CDK15: variants seen among roughly 807,000 people sequenced by gnomAD.
CDK15 encodes cyclin-dependent kinase 15.
CDK15 carries 62 observed loss-of-function variants against 60.3 expected under a neutral mutation model. The observed-to-expected ratio is 1.03, with a 90% CI of 0.84 to 1.27. CDK15 has a LOEUF of 1.27. CDK15 is among the 50% of genes most tolerant of loss of function. The pLI is 0.00. For missense variants in CDK15, 541 were observed against 527.8 expected (o/e 1.03, Z -0.25); for synonymous variants, 194 against 195.7 (o/e 0.99, Z 0.07).
In CDK15 at chr2:201,817,946, G is replaced by A. The variant is rs542469193; in HGVS notation, c.449-4863G>A. On this transcript the variant is annotated intron_variant, in intron 4 of 13. Coordinates refer to ENST00000652192, the MANE Select transcript of CDK15 (RefSeq NM_001366386.2). Reference sequence around the variant, plus strand: ...AATTATTTCAATTATTTCTTTTCTCGGAATGCATAACTTGACTCATTGACT... The same window carrying A: ...AATTATTTCAATTATTTCTTTTCTCAGAATGCATAACTTGACTCATTGACT... 3.2e-4 allele frequency among the ~76,000 whole-genome samples: 49 copies of A among 151,996 alleles called. No individual in the cohort carries two copies. In the South Asian group the frequency reaches 5.4e-3, roughly 17 times the overall value.
chr2:201,890,783 A>G lies in CDK15; in HGVS notation c.1199-2A>G. ...GGTGCTTCTCTCTTTTCATTCCTAC[A>G]GAGGAGTCTTTGTTTACAGTTTCAG... On this transcript the variant is annotated splice_acceptor_variant, in intron 12 of 13. Transcript: ENST00000652192. LOFTEE classifies it high-confidence loss of function. 6.2e-7 allele frequency: 1 copy of G among 1,606,248 alleles called. No individual in the cohort carries two copies. The highest frequency in any genetic ancestry group is 8.5e-7 in the Non-Finnish European group (1 of 1,174,192).
chr2:201,881,548 A>G (rs575195995), intron 12 of CDK15, among the ~76,000 whole-genome samples: 159 of 152,328 alleles, frequency 1.0e-3, no homozygotes, highest in African/African-American at 3.8e-3. Flanking sequence ...AAATCTGTGC[A>G]TAATCAACTG....
At chr2:201,835,077 G>A (rs1416871795) in intron 7 of CDK15, among the ~76,000 whole-genome samples, 2 of 152,192 alleles carry the variant, frequency 1.3e-5, no homozygotes, top group Non-Finnish European at 2.9e-5. Flanking sequence ...CAAAACGGAA[G>A]GTGGCCATGT....
chr2:201,827,196 A>G (rs1696546361), intron 6 of CDK15, among the ~76,000 whole-genome samples: 1 of 152,248 alleles, frequency 6.6e-6, no homozygotes, highest in African/African-American at 2.4e-5. Flanking sequence ...CTATAATTCC[A>G]GCACTTTGGG....
intron 7 of CDK15, among the ~76,000 whole-genome samples, chr2:201,835,058 C>G (rs1030774855): frequency 1.3e-5 from 2 of 152,160 alleles, no homozygotes; most frequent in African/African-American, 4.8e-5. Flanking sequence ...CTGGGCTTTC[C>G]TGGAGTGCCA....
intron 10 of CDK15, among the ~76,000 whole-genome samples, chr2:201,862,313 G>A (rs16838316): frequency 0.077 from 11,774 of 152,226 alleles, 495 homozygotes; most frequent in African/African-American, 0.084. Context: ...ACCCAAACAT[G>A]GTATAGTGGA....
chr2:201,892,133 T>G (rs796556487), intron 13 of CDK15, among the ~76,000 whole-genome samples: 9 of 152,346 alleles, frequency 5.9e-5, no homozygotes, highest in African/African-American at 2.2e-4. Flanking sequence ...CTCAGAGCAT[T>G]TTATGAAATA....
intron 1 of CDK15, 70 bp from the exon 2 acceptor site, chr2:201,807,424 A>AT: frequency 6.7e-7 from 1 of 1,490,458 alleles, no homozygotes; most frequent in Non-Finnish European, 9.1e-7. Context: ...AATAAAGAAA[A>AT]AATGGTTTTA....
At chr2:201,825,319 A>G (rs950674919) in intron 6 of CDK15, among the ~76,000 whole-genome samples, 1 of 151,910 alleles carries the variant, frequency 6.6e-6, no homozygotes, top group African/African-American at 2.4e-5. Flanking sequence ...ACTCAAAAAA[A>G]AAAAAAAAAA....
intron 8 of CDK15, among the ~76,000 whole-genome samples, chr2:201,847,171 T>A (rs1697706652): frequency 6.6e-6 from 1 of 152,216 alleles, no homozygotes; most frequent in African/African-American, 2.4e-5. Context: ...TCCTAACTGC[T>A]GCTCGTGGTG....
intron 10 of CDK15, among the ~76,000 whole-genome samples, chr2:201,855,324 T>C (rs556197346): frequency 4.6e-5 from 7 of 152,348 alleles, no homozygotes; most frequent in African/African-American, 1.7e-4. Flanking sequence ...AGAAAGCTAA[T>C]GCAACAGAAC....
intron 12 of CDK15, among the ~76,000 whole-genome samples, chr2:201,889,875 C>A (rs1347767803): frequency 2.0e-5 from 3 of 151,574 alleles, no homozygotes; most frequent in Non-Finnish European, 4.4e-5. Flanking sequence ...CGTGGTGAAA[C>A]CTTGTCTCCA....
intron 5 of CDK15, among the ~76,000 whole-genome samples, chr2:201,823,446 G>A (rs1696320518): frequency 6.6e-6 from 1 of 152,206 alleles, no homozygotes; most frequent in Non-Finnish European, 1.5e-5. Context: ...TCTGTGCTGA[G>A]AAACAGGCTT....
At chr2:201,821,735 A>G (rs1004376345) in intron 4 of CDK15, among the ~76,000 whole-genome samples, 6 of 151,996 alleles carry the variant, frequency 3.9e-5, no homozygotes, top group Admixed American at 2.0e-4. Context: ...CAGTGGTGCA[A>G]TCTTGGCTCA....
At position 201,807,493 on chromosome 2, in the gene CDK15, G is replaced by A. The variant is rs1438622770; in HGVS notation, c.124-1G>A. ...ATTTCTGCTCTTTCTTTTTTCTCTA[G>A]CTAACAGACCTAAAAGAAGCATCAT... On this transcript the variant is annotated splice_acceptor_variant, in intron 1 of 13. Transcript: ENST00000652192. LOFTEE classifies it high-confidence loss of function. 3 of 1,611,268 alleles carry A rather than the reference G, an allele frequency of 1.9e-6. No homozygotes were observed. Among genetic ancestry groups the A allele is most frequent in the African/African-American group, 2.7e-5 (2 of 74,682 alleles).
rs573664115 is a variant in CDK15 at position 201,858,619 on chromosome 2, TATATCCAA to T, written c.1009+3685_1009+3692del. Among the ~76,000 whole-genome samples, 59 of 152,220 alleles carry T rather than the reference TATATCCAA, an allele frequency of 3.9e-4. 1 individual carries two copies. The East Asian group carries it at 7.5e-3, about 19-fold the overall frequency. On this transcript the variant is annotated intron_variant, in intron 10 of 13. Coordinates refer to ENST00000652192, the MANE Select transcript of CDK15 (RefSeq NM_001366386.2). Reference sequence around the variant, plus strand: ...TCTCTTGGGATAGCTTTCAGAGCAATATATCCAAATGTCAGTGAGGGGGTTCTGACGAG... The same window carrying T: ...TCTCTTGGGATAGCTTTCAGAGCAATATGTCAGTGAGGGGGTTCTGACGAG...
At chr2:201,812,414 C>T in intron 3 of CDK15, 69 bp from the exon 4 acceptor site, 4 of 917,172 alleles carry the variant, frequency 4.4e-6, no homozygotes, top group East Asian at 2.5e-5. Flanking sequence ...TTTGTTAAGC[C>T]ATCTTTGGTA....
At chr2:201,877,856 A>G (rs1006024218) in intron 11 of CDK15, among the ~76,000 whole-genome samples, 3 of 152,246 alleles carry the variant, frequency 2.0e-5, no homozygotes, top group Non-Finnish European at 2.9e-5. Flanking sequence ...GTTTGCAGAA[A>G]CAGTTTCATG....
intron 6 of CDK15, chr2:201,824,628 C>A: frequency 3.1e-6 from 1 of 326,474 alleles, no homozygotes; most frequent in South Asian, 3.6e-5. Flanking sequence ...CAGAAGAACT[C>A]CCCTTTGTAA....
Sources: allele counts gnomAD v4.1 joint callset (sites outside exome capture counted in the v4.1 genomes callset), GRCh38; gene constraint gnomAD v4.1.1; transcripts MANE v1.5; gene names NCBI Gene and HGNC (gene_info 2026-07-23, HGNC 2026-07-21).